Variants in HYDIN observed in about 807,000 individuals in gnomAD.
HYDIN encodes axonemal central pair apparatus protein HYDIN.
Under a neutral mutation model 403.9 loss-of-function variants are expected in HYDIN, and 132 were observed. The observed-to-expected ratio is 0.33, with a 90% CI of 0.28 to 0.38. The LOEUF is 0.38. Ranked by LOEUF, HYDIN falls within the 10% of genes least tolerant of loss-of-function variation. The pLI is 1.00. For missense variants in HYDIN, 2,827 were observed against 5,009.5 expected, an observed-to-expected ratio of 0.56 and a Z score of 13.15; for synonymous variants, 1,202 against 1,891.7, an observed-to-expected ratio of 0.64 and a Z score of 9.46.
intron 7 of HYDIN, among the ~76,000 whole-genome samples, chr16:71,139,821 A>T (rs1457067057): frequency 2.4e-4 from 36 of 151,868 alleles, no homozygotes; most frequent in Non-Finnish European, 4.0e-4. Context: ...TGAAGCAAAG[A>T]CAGTATTTCA....
intron 53 of HYDIN, among the ~76,000 whole-genome samples, chr16:70,897,241 T>C (rs916123077): frequency 8.6e-5 from 13 of 151,916 alleles, no homozygotes; most frequent in Non-Finnish European, 1.6e-4. Context: ...CGGTAAAGGG[T>C]CCATCTGTCC....
At position 71,211,853 on chromosome 16, in the gene HYDIN, T is replaced by C. The variant is rs553649645; in HGVS notation, c.-24+18709A>G. On this transcript the variant is annotated intron_variant, in intron 1 of 85. Transcript: ENST00000393567. Reference sequence around the variant, plus strand: ...TGAAAGGCTTCACATAGGGGAATTATTAGATACAGATTACAAAAAAACCAT... The same window carrying C: ...TGAAAGGCTTCACATAGGGGAATTACTAGATACAGATTACAAAAAAACCAT... Among the ~76,000 whole-genome samples, 6 of 152,240 alleles carry C rather than the reference T, an allele frequency of 3.9e-5. No individual in the cohort carries two copies. In the South Asian group the frequency reaches 1.0e-3, roughly 26 times the overall value.
intron 39 of HYDIN, among the ~76,000 whole-genome samples, chr16:70,956,114 A>C (rs935851949): frequency 1.8e-4 from 28 of 152,154 alleles, no homozygotes; most frequent in African/African-American, 5.8e-4. Flanking sequence ...GCCACTGCAC[A>C]GGGTCTGTTT....
rs1001669345 is a variant in HYDIN at position 70,908,504 on chromosome 16, C to T, written c.8214-70G>A. The T allele has an allele frequency of 5.0e-6, 7 of 1,413,212 alleles. No homozygotes were observed. In the South Asian group the frequency reaches 6.9e-5, roughly 14 times the overall value. 87.5% of individuals were successfully genotyped at this position (1,413,212 alleles called of 1,614,324 possible). A position where few individuals can be genotyped will look rare whatever the true frequency, so the allele number is the denominator to read the frequency against. On this transcript the variant is annotated intron_variant, in intron 48 of 85. Transcript: ENST00000393567. ...TGGCCAAGAGAAGACAGGAGAGCTG[C>T]CTGGAAGTCCTGTCCTGTTGGGGTG...
intron 53 of HYDIN, among the ~76,000 whole-genome samples, chr16:70,897,533 G>A (rs1350441416): frequency 2.7e-5 from 4 of 150,284 alleles, no homozygotes; most frequent in African/African-American, 5.0e-5. Context: ...TGACAAGGTG[G>A]GCTGACAGGA....
chr16:70,998,126 T>C (rs1403630467), intron 23 of HYDIN, among the ~76,000 whole-genome samples: 4 of 152,204 alleles, frequency 2.6e-5, no homozygotes, highest in Admixed American at 2.0e-4. Flanking sequence ...TAGACAATTA[T>C]GTTTCGGGTA....
chr16:71,219,393 T>C (rs528353458), intron 1 of HYDIN, among the ~76,000 whole-genome samples: 3 of 152,176 alleles, frequency 2.0e-5, no homozygotes, highest in Non-Finnish European at 4.4e-5. Context: ...TAATTTTTCT[T>C]TAAAGTCAAC....
At chr16:71,013,306 A>AC (rs1234310647) in intron 23 of HYDIN, among the ~76,000 whole-genome samples, 6 of 151,900 alleles carry the variant, frequency 3.9e-5, no homozygotes, top group Non-Finnish European at 8.8e-5. Context: ...AGCTTCCAGC[A>AC]AAGAAGGGGG....
intron 15 of HYDIN, among the ~76,000 whole-genome samples, chr16:71,066,288 T>A (rs985929706): frequency 1.3e-5 from 2 of 152,186 alleles, no homozygotes; most frequent in Non-Finnish European, 2.9e-5. Context: ...AAAATAGGTC[T>A]TGAAGGAATA....
At chr16:71,058,385 T>C (rs201212223) in intron 18 of HYDIN, among the ~76,000 whole-genome samples, 35,888 of 130,336 alleles carry the variant, frequency 0.28, 6,321 homozygotes, top group Non-Finnish European at 0.4. Flanking sequence ...TAGGTGGGAA[T>C]TGAACAATGA....
At chr16:70,991,499 C>A in intron 24 of HYDIN, 103 bp from the exon 25 acceptor site, 15 of 1,531,826 alleles carry the variant, frequency 9.8e-6, no homozygotes, top group Non-Finnish European at 1.3e-5. Context: ...CTCTACCACA[C>A]CCCCAAACGT....
In HYDIN at chr16:70,805,848, G is replaced by T. The variant is rs939566198; in HGVS notation, c.*1732C>A. Among the ~76,000 whole-genome samples, 1 of 152,168 alleles carries T rather than the reference G, an allele frequency of 6.6e-6. No homozygotes were observed. Among genetic ancestry groups the T allele is most frequent in the South Asian group, 2.1e-4 (1 of 4,832 alleles). ...AGTTACCTGTGGTCAACTGTGGAAT[G>T]AAAATATTTAATGAAAAATTCCAGA... is the stretch of plus-strand genomic sequence containing the variant. On this transcript the variant is annotated 3_prime_UTR_variant, in exon 86 of 86. Transcript: ENST00000393567.
chr16:71,065,564 G>C (rs1401544837), intron 15 of HYDIN, among the ~76,000 whole-genome samples: 1 of 152,212 alleles, frequency 6.6e-6, no homozygotes, highest in Non-Finnish European at 1.5e-5. Context: ...ATGGTGAAGA[G>C]TACCAGCTTT....
intron 38 of HYDIN, among the ~76,000 whole-genome samples, chr16:70,960,793 G>A (rs1256467117): frequency 1.3e-5 from 2 of 152,158 alleles, no homozygotes; most frequent in Non-Finnish European, 2.9e-5. Context: ...CCGGGTTCAA[G>A]TGATTCTCCT....
Position 71,005,084 on chromosome 16 carries a change from T to TTGAGATCTGCTTTAA in HYDIN, c.3645-12889_3645-12875dup, listed in dbSNP as rs1183535294. ...GATTTCTGACAGAACAGATTCTTTG[T>TTGAGATCTGCTTTAA]TGAGATCTGCTTTAAGCCCTAGTAT... On this transcript the variant is annotated intron_variant, in intron 23 of 85. Coordinates refer to ENST00000393567, the MANE Select transcript of HYDIN (RefSeq NM_001270974.2). 4.6e-5 allele frequency among the ~76,000 whole-genome samples: 7 copies of TTGAGATCTGCTTTAA among 152,352 alleles called. No individual in the cohort carries two copies. In the East Asian group the frequency reaches 1.2e-3, roughly 25 times the overall value.
chr16:70,901,852 G>A (rs2076389392), intron 52 of HYDIN, among the ~76,000 whole-genome samples: 1 of 152,106 alleles, frequency 6.6e-6, no homozygotes, highest in Admixed American at 6.5e-5. Context: ...CCAAAGTGCT[G>A]GGATTATAGG....
chr16:70,811,259 A>AAACAAC (rs558899462), intron 84 of HYDIN: 10 of 151,548 alleles, frequency 6.6e-5, no homozygotes, highest in Non-Finnish European at 1.3e-4. Flanking sequence ...CTGTTTCTAC[A>AAACAAC]AACAACAACA....
intron 77 of HYDIN, among the ~76,000 whole-genome samples, chr16:70,836,502 T>C (rs1041702034): frequency 1.3e-5 from 2 of 152,136 alleles, no homozygotes; most frequent in African/African-American, 4.8e-5. Context: ...GAGATGATGG[T>C]GGTTGGATTA....
intron 4 of HYDIN, chr16:71,175,992 C>T: frequency 2.1e-6 from 1 of 480,346 alleles, no homozygotes; most frequent in Non-Finnish European, 3.8e-6. Context: ...AGTCTTTGTT[C>T]ATTTTAAAAT....
Sources: allele counts gnomAD v4.1 joint callset (sites outside exome capture counted in the v4.1 genomes callset), GRCh38; gene constraint gnomAD v4.1.1; transcripts MANE v1.5; gene names NCBI Gene and HGNC (gene_info 2026-07-23, HGNC 2026-07-21).